Variants in NPM1 observed in about 807,000 individuals in gnomAD.
NPM1 encodes the protein nucleophosmin.
NPM1 carries 1 observed loss-of-function variant against 44.1 expected under a neutral mutation model. The observed-to-expected ratio is 0.02, with a 90% CI of 0.01 to 0.11. The LOEUF is 0.11. NPM1 is among the 10% of genes least tolerant of loss of function. The pLI, the probability that NPM1 is intolerant of heterozygous loss-of-function variation, is 1.00. For missense variants in NPM1, 197 were observed against 347.8 expected (o/e 0.57, Z 3.45); for synonymous variants, 126 against 111.8 (o/e 1.13, Z -0.80).
At chr5:171,393,412 T>C (rs1321846317) in intron 6 of NPM1, among the ~76,000 whole-genome samples, 1 of 152,252 alleles carries the variant, frequency 6.6e-6, no homozygotes, top group Non-Finnish European at 1.5e-5. Flanking sequence ...AAGGATTTTG[T>C]CTTATGGTTT....
At chr5:171,399,826 G>C (rs547262157) in intron 6 of NPM1, among the ~76,000 whole-genome samples, 1 of 152,028 alleles carries the variant, frequency 6.6e-6, no homozygotes, top group African/African-American at 2.4e-5. Flanking sequence ...AGCCCCTAGC[G>C]ATCACAATTA....
At chr5:171,403,612 C>T (rs1478609476) in intron 8 of NPM1, among the ~76,000 whole-genome samples, 16 of 118,932 alleles carry the variant, frequency 1.3e-4, no homozygotes, top group Admixed American at 5.0e-4. Flanking sequence ...ACCTCCCGGA[C>T]GGGGCGGCTG....
chr5:171,398,818 A>G (rs988450978), intron 6 of NPM1, among the ~76,000 whole-genome samples: 3 of 152,172 alleles, frequency 2.0e-5, no homozygotes, highest in Non-Finnish European at 2.9e-5. Flanking sequence ...TGATGTGTCT[A>G]TCCTTAACAT....
At position 171,390,148 on chromosome 5, in the gene NPM1, A is replaced by G. The variant is rs1561863500; in HGVS notation, c.138+18A>G. ...TAAGAACGGTACTTAAACTTTCAAA[A>G]TAAACTACTTAACCCTACTTGATTT... On this transcript the variant is annotated intron_variant, in intron 2 of 10. Transcript: ENST00000296930. The G allele has an allele frequency of 3.6e-6, 5 of 1,380,298 alleles. No individual in the cohort carries two copies. Among genetic ancestry groups the G allele is most frequent in the Non-Finnish European group, 5.0e-6 (5 of 998,710 alleles). The allele number at this position is 1,380,298 out of a possible 1,614,324, so 85.5% of individuals were successfully genotyped here.
intron 2 of NPM1, chr5:171,391,086 CTG>C (rs1213376875): frequency 1.2e-5 from 6 of 504,160 alleles, no homozygotes; most frequent in African/African-American, 9.7e-5. Flanking sequence ...TACAGTAACA[CTG>C]TACAGGTTTG....
At chr5:171,404,816 A>G (rs918541643) in intron 8 of NPM1, among the ~76,000 whole-genome samples, 5 of 151,834 alleles carry the variant, frequency 3.3e-5, no homozygotes, top group African/African-American at 9.7e-5. Context: ...GTGAGCCGAG[A>G]TCACGCCACT....
intron 6 of NPM1, 39 bp downstream of exon 6, chr5:171,393,017 C>T (rs1770669637): frequency 4.4e-6 from 7 of 1,586,268 alleles, no homozygotes; most frequent in Non-Finnish European, 5.1e-6. Context: ...CTTCCGGAAT[C>T]TTGACAAAAA....
At chr5:171,392,610 A>G (rs1770636816) in intron 4 of NPM1, 100 bp from the exon 5 acceptor site, 1 of 646,920 alleles carries the variant, frequency 1.5e-6, no homozygotes, top group African/African-American at 1.9e-5. Context: ...TTTTAAATAG[A>G]ATAGAAGTCT....
intron 10 of NPM1, among the ~76,000 whole-genome samples, chr5:171,409,401 A>G (rs747079451): frequency 1.3e-5 from 2 of 152,028 alleles, no homozygotes; most frequent in Non-Finnish European, 2.9e-5. Flanking sequence ...AAAATACTAA[A>G]TTTAGCTGGG....
chr5:171,390,866 G>T (rs556627500), intron 2 of NPM1, among the ~76,000 whole-genome samples: 1 of 152,190 alleles, frequency 6.6e-6, no homozygotes, highest in South Asian at 2.1e-4. Context: ...GGGATTACAG[G>T]CATGTGCCAC....
chr5:171,403,597 C>T (rs1275657770), intron 8 of NPM1, among the ~76,000 whole-genome samples: 3 of 113,786 alleles, frequency 2.6e-5, no homozygotes, highest in Non-Finnish European at 3.9e-5. Flanking sequence ...GCAGAGGCGC[C>T]CCTCACCTCC....
At chr5:171,399,141 G>T (rs1289798719) in intron 6 of NPM1, among the ~76,000 whole-genome samples, 1 of 152,244 alleles carries the variant, frequency 6.6e-6, no homozygotes, top group East Asian at 1.9e-4. Context: ...GTGAGCCACG[G>T]TGCCTTGGCC....
At chr5:171,390,521 A>T (rs560529177) in intron 2 of NPM1, among the ~76,000 whole-genome samples, 2 of 152,338 alleles carry the variant, frequency 1.3e-5, no homozygotes, top group East Asian at 3.9e-4. Flanking sequence ...TTTTCTGAAT[A>T]TGAGAAACTG....
At chr5:171,408,916 C>T (rs965508737) in intron 10 of NPM1, among the ~76,000 whole-genome samples, 2 of 152,004 alleles carry the variant, frequency 1.3e-5, no homozygotes, top group African/African-American at 4.8e-5. Context: ...GTCTTCTGTA[C>T]TTTATAACAA....
chr5:171,408,876 G>A (rs1771693776), intron 10 of NPM1, among the ~76,000 whole-genome samples: 2 of 152,116 alleles, frequency 1.3e-5, no homozygotes, highest in African/African-American at 2.4e-5. Context: ...CAAGGAAAGT[G>A]ATGATAAATT....
intron 8 of NPM1, among the ~76,000 whole-genome samples, chr5:171,402,968 A>ATTTTTTTTT (rs1771299295): frequency 4.2e-5 from 2 of 47,214 alleles, no homozygotes; most frequent in Non-Finnish European, 8.5e-5. Flanking sequence ...TTTTTTTTTC[A>ATTTTTTTTT]TTTTATTTAT....
In NPM1 at chr5:171,400,716, G is replaced by A. The variant is rs1229168824; in HGVS notation, c.583-123G>A. On this transcript the variant is annotated intron_variant, in intron 7 of 10. Transcript: ENST00000296930. ...CTGCCTCGGCCTCCCAAAGTCCTGG[G>A]ATTACAGGCATGAGCCACCACGCCA... 9.3e-6 allele frequency: 6 copies of A among 648,644 alleles called. No homozygotes were observed. The Admixed American group carries it at 9.6e-5, about 10-fold the overall frequency. 40.2% of individuals were successfully genotyped at this position (648,644 alleles called of 1,614,324 possible). A position where few individuals can be genotyped will look rare whatever the true frequency, so the allele number is the denominator to read the frequency against.
At chr5:171,390,241 AT>A in intron 2 of NPM1, 111 bp downstream of exon 2, 1 of 584,216 alleles carries the variant, frequency 1.7e-6, no homozygotes, top group Non-Finnish European at 2.9e-6. Flanking sequence ...ATAAAATACT[AT>A]TTCTTACACC....
chr5:171,394,634 A>G (rs1770781032), intron 6 of NPM1, among the ~76,000 whole-genome samples: 1 of 152,172 alleles, frequency 6.6e-6, no homozygotes, highest in Non-Finnish European at 1.5e-5. Context: ...ATTTCTCGTT[A>G]GTAAGAATTG....
Sources: allele counts gnomAD v4.1 joint callset (sites outside exome capture counted in the v4.1 genomes callset), GRCh38; gene constraint gnomAD v4.1.1; transcripts MANE v1.5; gene names NCBI Gene and HGNC (gene_info 2026-07-23, HGNC 2026-07-21).